The following CHMP4C variants were observed in gnomAD, a reference collection of about 807,000 sequenced individuals.
CHMP4C encodes the protein charged multivesicular body protein 4C.
CHMP4C carries 28 observed loss-of-function variants against 29.0 expected under a neutral mutation model. The observed-to-expected ratio is 0.97, with a 90% CI of 0.72 to 1.32. The LOEUF is 1.32. CHMP4C is among the 40% of genes most tolerant of loss of function. The pLI is 0.00. For synonymous variants in CHMP4C, 106 were observed against 102.4 expected (o/e 1.04, Z -0.21); for missense variants, 291 against 281.0 (o/e 1.04, Z -0.25).
At chr8:81,734,953 G>A (rs1220793699) in intron 1 of CHMP4C, among the ~76,000 whole-genome samples, 1 of 151,878 alleles carries the variant, frequency 6.6e-6, no homozygotes, top group African/African-American at 2.4e-5. Flanking sequence ...GAGTACAGTG[G>A]CAGGATCTCA....
Position 81,758,502 on chromosome 8 carries a change from A to G in CHMP4C, c.660A>G (p.Glu220=), listed in dbSNP as rs909087279. 2.5e-6 allele frequency: 4 copies of G among 1,613,364 alleles called. No homozygotes were observed. Among genetic ancestry groups the G allele is most frequent in the Non-Finnish European group, 3.4e-6 (4 of 1,179,350 alleles). The part of the protein sequence containing the change: ...SRAASSQRAE[E]EDDDIKQLAA... ...CAGCATCTTCCCAGAGGGCAGAAGA[A>G]GAGGATGATGATATCAAACAATTGG... The change falls in exon 5 of 5, where the codon GAA becomes GAG. Residue 220 remains glutamate, a synonymous_variant. Coordinates refer to ENST00000297265, the MANE Select transcript of CHMP4C (RefSeq NM_152284.4).
intron 1 of CHMP4C, among the ~76,000 whole-genome samples, chr8:81,734,274 A>ATC (rs1808656390): frequency 6.6e-6 from 1 of 152,168 alleles, no homozygotes; most frequent in Non-Finnish European, 1.5e-5. Flanking sequence ...TCCCTTTGCC[A>ATC]TCTATTTGGA....
chr8:81,747,443 C>G (rs1162798581), intron 1 of CHMP4C, among the ~76,000 whole-genome samples: 1 of 151,790 alleles, frequency 6.6e-6, no homozygotes, highest in African/African-American at 2.4e-5. Flanking sequence ...GGAAGACATG[C>G]ACTCTGAAGA....
chr8:81,737,846 C>G (rs1416813024), intron 1 of CHMP4C, among the ~76,000 whole-genome samples: 1 of 152,198 alleles, frequency 6.6e-6, no homozygotes, highest in South Asian at 2.1e-4. Context: ...TTTTAAAAAG[C>G]TGTACTTGGC....
At chr8:81,757,692 T>C (rs1808989447) in intron 3 of CHMP4C, among the ~76,000 whole-genome samples, 1 of 152,238 alleles carries the variant, frequency 6.6e-6, no homozygotes, top group Non-Finnish European at 1.5e-5. Flanking sequence ...AACCATAGTA[T>C]CTTTAATTCC....
chr8:81,747,647 A>C (rs1808844451), intron 1 of CHMP4C, among the ~76,000 whole-genome samples: 1 of 152,146 alleles, frequency 6.6e-6, no homozygotes, highest in African/African-American at 2.4e-5. Context: ...TTTCCTAAGC[A>C]TCAGCTGGCT....
At chr8:81,747,344 C>CA (rs568055667) in intron 1 of CHMP4C, among the ~76,000 whole-genome samples, 3,517 of 137,046 alleles carry the variant, frequency 0.026, 54 homozygotes, top group Non-Finnish European at 0.033. Context: ...AAAAGTTGCT[C>CA]AAAAAAAAAA....
intron 2 of CHMP4C, among the ~76,000 whole-genome samples, chr8:81,753,947 A>G (rs148426926): frequency 6.6e-6 from 1 of 152,048 alleles, no homozygotes; most frequent in Admixed American, 6.6e-5. Flanking sequence ...AATATTCACA[A>G]TTTGCTTTAC....
chr8:81,733,043 A>G (rs1367444480), intron 1 of CHMP4C: 3 of 407,534 alleles, frequency 7.4e-6, no homozygotes, highest in Admixed American at 4.0e-5. Context: ...ATCAAGATGA[A>G]CAATACTTTA....
Position 81,758,235 on chromosome 8 carries a change from C to A in CHMP4C, c.577C>A (p.Leu193Ile). The change falls in exon 4 of 5, where the codon CTC (leucine) becomes ATC (isoleucine). Residue 193 changes from leucine (L) to isoleucine (I), a missense_variant. By Grantham distance (5) the Leu-to-Ile change is conservative (BLOSUM62 2). Transcript: ENST00000297265. ...CCTTCCAAATGTGCCTTCCTCTTCTCTCCCAGCACAGCCAAATAGAAAACC... is the reference window on the plus strand; with the variant it reads ...CCTTCCAAATGTGCCTTCCTCTTCTATCCCAGCACAGCCAAATAGAAAACC... Reference protein sequence around the residue: ...IRLPNVPSSSLPAQPNRKPGM... With the variant: ...IRLPNVPSSSIPAQPNRKPGM... The A allele has an allele frequency of 6.2e-7, 1 of 1,613,988 alleles. No individual in the cohort carries two copies. The highest frequency in any genetic ancestry group is 8.5e-7 in the Non-Finnish European group (1 of 1,179,952).
intron 1 of CHMP4C, among the ~76,000 whole-genome samples, chr8:81,752,816 A>G (rs1408022702): frequency 1.3e-5 from 2 of 152,208 alleles, no homozygotes; most frequent in African/African-American, 4.8e-5. Flanking sequence ...GGAATAGGAA[A>G]ACTGACTTTC....
intron 1 of CHMP4C, among the ~76,000 whole-genome samples, chr8:81,736,101 A>C (rs1477869682): frequency 3.2e-5 from 4 of 126,164 alleles, no homozygotes; most frequent in Admixed American, 7.9e-5. Context: ...ATAAATAAAT[A>C]AATAAATAAA....
intron 1 of CHMP4C, among the ~76,000 whole-genome samples, chr8:81,740,377 A>G (rs1222980148): frequency 6.6e-6 from 1 of 152,234 alleles, no homozygotes; most frequent in African/African-American, 2.4e-5. Flanking sequence ...AGATCCTCGC[A>G]TGCTCAGTTC....
chr8:81,758,350 A>G (rs1379247872), intron 4 of CHMP4C, 55 bp downstream of exon 4: 7 of 1,596,884 alleles, frequency 4.4e-6, no homozygotes, highest in South Asian at 1.1e-5. Context: ...AATGATAGCC[A>G]GGCCCATTCT....
At chr8:81,753,863 T>C (rs180966619) in intron 2 of CHMP4C, among the ~76,000 whole-genome samples, 5 of 152,244 alleles carry the variant, frequency 3.3e-5, no homozygotes, top group East Asian at 1.9e-4. Flanking sequence ...CTCGTGGTTA[T>C]TGTGAGATTC....
chr8:81,753,685 A>G (rs1808937703), intron 2 of CHMP4C, among the ~76,000 whole-genome samples: 1 of 152,106 alleles, frequency 6.6e-6, no homozygotes, highest in African/African-American at 2.4e-5. Context: ...GATGCTAACC[A>G]ATGTCTGAGA....
intron 1 of CHMP4C, among the ~76,000 whole-genome samples, chr8:81,749,725 C>T (rs1369210502): frequency 1.3e-5 from 2 of 152,290 alleles, no homozygotes; most frequent in East Asian, 3.9e-4. Context: ...ACAAGAACAA[C>T]AGTACCTAGA....
chr8:81,740,365 C>A (rs1382689154), intron 1 of CHMP4C, among the ~76,000 whole-genome samples: 1 of 152,232 alleles, frequency 6.6e-6, no homozygotes, highest in African/African-American at 2.4e-5. Flanking sequence ...AGTGCACAAC[C>A]TAGATCCTCG....
intron 1 of CHMP4C, 39 bp downstream of exon 1, chr8:81,732,855 C>T: frequency 1.3e-6 from 2 of 1,574,108 alleles, no homozygotes; most frequent in South Asian, 2.3e-5. Context: ...AGCCCATCTG[C>T]CTCTAGCCTT....
Sources: allele counts gnomAD v4.1 joint callset (sites outside exome capture counted in the v4.1 genomes callset), GRCh38; gene constraint gnomAD v4.1.1; transcripts MANE v1.5; gene names NCBI Gene and HGNC (gene_info 2026-07-23, HGNC 2026-07-21).